Variants in DHRS2 observed in about 807,000 individuals in gnomAD.
DHRS2 encodes dehydrogenase/reductase 2, also known as dehydrogenase/reductase SDR family member 2, mitochondrial.
A neutral mutation model predicts 26.3 loss-of-function variants in DHRS2; 29 were observed. The observed-to-expected ratio is 1.10, with a 90% CI of 0.82 to 1.50. DHRS2 has a LOEUF of 1.50. Ranked by LOEUF, DHRS2 falls within the 40% of genes most tolerant of loss-of-function variation. DHRS2 has a pLI of 0.00. For missense variants in DHRS2, 439 were observed against 367.1 expected, an observed-to-expected ratio of 1.20 and a Z score of -1.60; for synonymous variants, 164 against 151.3, an observed-to-expected ratio of 1.08 and a Z score of -0.62.
At chr14:23,642,143 C>G in intron 4 of DHRS2, 16 of 1,033,658 alleles carry the variant, frequency 1.5e-5, no homozygotes, top group Non-Finnish European at 1.7e-5. Context: ...CCCAGCATGG[C>G]AATTCTCTGT....
intron 1 of DHRS2, 97 bp downstream of exon 1, chr14:23,636,869 G>A (rs896845446): frequency 2.6e-5 from 4 of 152,250 alleles, no homozygotes; most frequent in African/African-American, 9.7e-5. Context: ...AGTTAAAAGT[G>A]ACTAGCGCAG....
Position 23,639,781 on chromosome 14 carries a change from C to CT in DHRS2, c.319-12dup. ...CAGGCCATCTCCACACTCATCCAAT[C>CT]TCCTCTCCGCAGGCCCTGGAGCACT... On this transcript the variant is annotated splice_polypyrimidine_tract_variant and intron_variant, in intron 3 of 8. Transcript: ENST00000250383. 6.3e-7 allele frequency: 1 copy of CT among 1,595,918 alleles called. No individual in the cohort carries two copies. Among genetic ancestry groups the CT allele is most frequent in the Non-Finnish European group, 8.5e-7 (1 of 1,171,276 alleles).
In DHRS2 at chr14:23,639,904, C is replaced by A. The variant is rs1310788922; in HGVS notation, c.420+9C>A. ...AGCAGATCTGGGACAAGGTGAGAGGCCTCCCCTGGGGAGGCGGCTGAGGGC... is the reference window on the plus strand; with the variant it reads ...AGCAGATCTGGGACAAGGTGAGAGGACTCCCCTGGGGAGGCGGCTGAGGGC... On this transcript the variant is annotated intron_variant, in intron 4 of 8. Coordinates refer to ENST00000250383, the MANE Select transcript of DHRS2 (RefSeq NM_005794.4). The A allele has an allele frequency of 6.3e-7, 1 of 1,585,166 alleles. No individual in the cohort carries two copies. The highest frequency in any genetic ancestry group is 8.6e-7 in the Non-Finnish European group (1 of 1,165,802).
chr14:23,638,844 G>T lies in DHRS2; in HGVS notation c.-21G>T. 1 of 1,609,112 alleles carries T rather than the reference G, an allele frequency of 6.2e-7. No individual in the cohort carries two copies. Among genetic ancestry groups the T allele is most frequent in the Non-Finnish European group, 8.5e-7 (1 of 1,176,776 alleles). ...TCCCCCAGGCCTGATTCAGCAGGAA[G>T]CATCTCAGACACCAACCACTATGCT... is the stretch of plus-strand genomic sequence containing the variant. On this transcript the variant is annotated 5_prime_UTR_variant, in exon 2 of 9. Coordinates refer to ENST00000250383, the MANE Select transcript of DHRS2 (RefSeq NM_005794.4).
intron 4 of DHRS2, chr14:23,641,734 CA>C (rs1433349623): frequency 7.8e-7 from 1 of 1,289,732 alleles, no homozygotes; most frequent in East Asian, 5.5e-5. Flanking sequence ...TCATCCCCCA[CA>C]CTGGTAACCT....
At chr14:23,634,935 T>C (rs921866571), upstream of DHRS2, among the ~76,000 whole-genome samples, 2 of 152,228 alleles carry the variant, frequency 1.3e-5, no homozygotes, top group Admixed American at 6.5e-5. Context: ...GTGTAAGTTC[T>C]GCCTGCTTCA....
rs375787784 is a variant in DHRS2, at chr14:23,639,370, C to T, written c.318+14C>T. On this transcript the variant is annotated intron_variant, in intron 3 of 8. Coordinates refer to ENST00000250383, the MANE Select transcript of DHRS2 (RefSeq NM_005794.4). ...CTGGTGGCCAAGGTGAGGGGGCAGG[C>T]GGTGGAAGGACACAGAGAGGGGAAC... 4.1e-5 allele frequency: 63 copies of T among 1,554,716 alleles called. No individual in the cohort carries two copies. In the Admixed American group the frequency reaches 7.4e-4, roughly 18 times the overall value.
intron 5 of DHRS2, chr14:23,643,475 A>G (rs1056202722): frequency 1.4e-5 from 7 of 496,328 alleles, no homozygotes; most frequent in African/African-American, 1.4e-4. Flanking sequence ...GGACAAGGCT[A>G]TGCTTTAACT....
chr14:23,641,953 T>A, intron 4 of DHRS2: 1 of 1,158,066 alleles, frequency 8.6e-7, no homozygotes, highest in South Asian at 1.7e-5. Context: ...GCCATGTCAG[T>A]CCCACCTGGC....
intron 1 of DHRS2, among the ~76,000 whole-genome samples, chr14:23,637,797 C>A (rs553715502): frequency 7.6e-4 from 115 of 152,262 alleles, no homozygotes; most frequent in African/African-American, 2.7e-3. Flanking sequence ...CACTCTGTGT[C>A]TAGCTAAAGG....
chr14:23,645,583 CTG>C lies in DHRS2; in HGVS notation c.*332_*333del. ...TTTGAAGGATTTCAGCTCCTCCTCT[CTG>C]TAATTTGTGCTTTAAGCATTTTTTT... is the stretch of plus-strand genomic sequence containing the variant. On this transcript the variant is annotated 3_prime_UTR_variant, in exon 9 of 9. Coordinates refer to ENST00000250383, the MANE Select transcript of DHRS2 (RefSeq NM_005794.4). 1 of 385,726 alleles carries C rather than the reference CTG, an allele frequency of 2.6e-6. No homozygotes were observed. Among genetic ancestry groups the C allele is most frequent in the Non-Finnish European group, 4.7e-6 (1 of 214,918 alleles). The allele number at this position is 385,726 out of a possible 1,614,324, so 23.9% of individuals were successfully genotyped here. A position where few individuals can be genotyped will look rare whatever the true frequency, so the allele number is the denominator to read the frequency against.
At chr14:23,639,754 C>T (rs1371423649) in intron 3 of DHRS2, 40 bp from the exon 4 acceptor site, 2 of 1,562,376 alleles carry the variant, frequency 1.3e-6, no homozygotes, top group Non-Finnish European at 8.7e-7. Flanking sequence ...GATAGTCCTC[C>T]TCAGGCCATC....
upstream of DHRS2, among the ~76,000 whole-genome samples, chr14:23,631,958 C>A (rs1312654385): frequency 6.6e-6 from 1 of 152,208 alleles, no homozygotes; most frequent in Non-Finnish European, 1.5e-5. Context: ...ACAGTCCAGG[C>A]AGAGTTGCCT....
chr14:23,630,710 T>C (rs901108059), intron 1 of DHRS2, among the ~76,000 whole-genome samples: 2 of 152,200 alleles, frequency 1.3e-5, no homozygotes, highest in Admixed American at 1.3e-4. Context: ...TTATACATCT[T>C]AGGAGAACAG....
At position 23,644,518 on chromosome 14, in the gene DHRS2, T is replaced by C. The variant is rs1026130757; in HGVS notation, c.650T>C (p.Ile217Thr). 4.3e-6 allele frequency: 7 copies of C among 1,614,238 alleles called. No homozygotes were observed. Among genetic ancestry groups the C allele is most frequent in the Non-Finnish European group, 5.9e-6 (7 of 1,180,038 alleles). The change falls in exon 7 of 9, where the codon ATT becomes ACT. Residue 217 changes from isoleucine to threonine, a missense_variant. Coordinates refer to ENST00000250383, the MANE Select transcript of DHRS2 (RefSeq NM_005794.4). ...DIRVNCVVPG[I>T]IKTDFSKVFH... ...CGGGTAAACTGCGTGGTTCCAGGAA[T>C]TATCAAAACTGACTTCAGCAAAGTG...
intron 1 of DHRS2, among the ~76,000 whole-genome samples, chr14:23,630,629 C>T (rs1890093899): frequency 6.6e-6 from 1 of 152,188 alleles, no homozygotes; most frequent in African/African-American, 2.4e-5. Context: ...AATGTGAGGA[C>T]CATGACCCAT....
chr14:23,639,996 G>A, intron 4 of DHRS2, 101 bp downstream of exon 4: 1 of 1,077,734 alleles, frequency 9.3e-7, no homozygotes, highest in Non-Finnish European at 1.2e-6. Context: ...CCCTCCAGAG[G>A]TTATGGGAGA....
At chr14:23,632,973 G>T (rs1890162675), upstream of DHRS2, among the ~76,000 whole-genome samples, 1 of 152,212 alleles carries the variant, frequency 6.6e-6, no homozygotes, top group African/African-American at 2.4e-5. Context: ...CTCTCAACAG[G>T]AAGCTCATCA....
rs148041166 is a variant in DHRS2, at chr14:23,644,177, C to T, written c.540+15C>T. On this transcript the variant is annotated intron_variant, in intron 6 of 8. Transcript: ENST00000250383. ...ATCCAGTAGTGGTAAGTGCTTGGTC[C>T]TTGTGCTCCTGAGTGGTATAGGGTG... 5.5e-4 allele frequency: 885 copies of T among 1,614,002 alleles called. 5 individuals are homozygous for T. In the African/African-American group the frequency reaches 0.011, roughly 20 times the overall value.
Sources: allele counts gnomAD v4.1 joint callset (sites outside exome capture counted in the v4.1 genomes callset), GRCh38; gene constraint gnomAD v4.1.1; transcripts MANE v1.5; gene names NCBI Gene and HGNC (gene_info 2026-07-23, HGNC 2026-07-21).